LRRTM4: variants seen among roughly 807,000 people sequenced by gnomAD.
LRRTM4 encodes the protein leucine rich repeat transmembrane neuronal 4, also known as leucine-rich repeat transmembrane neuronal protein 4.
Under a neutral mutation model 47.6 loss-of-function variants are expected in LRRTM4, and 25 were observed. That is an observed-to-expected ratio of 0.53 (90% CI 0.38 to 0.73). The LOEUF is 0.73. Ranked by LOEUF, LRRTM4 falls within the 30% of genes least tolerant of loss-of-function variation. LRRTM4 has a pLI of 0.00. For missense variants in LRRTM4, 638 were observed against 713.4 expected, an observed-to-expected ratio of 0.89 and a Z score of 1.20; for synonymous variants, 311 against 269.5, an observed-to-expected ratio of 1.15 and a Z score of -1.51.
intron 3 of LRRTM4, among the ~76,000 whole-genome samples, chr2:77,435,891 A>C (rs1370868055): frequency 1.3e-5 from 2 of 152,128 alleles, no homozygotes; most frequent in Non-Finnish European, 2.9e-5. Flanking sequence ...GATTCAGGAC[A>C]CTAAAACTTT....
chr2:76,795,272 A>C (rs1675217260), intron 3 of LRRTM4, among the ~76,000 whole-genome samples: 1 of 152,222 alleles, frequency 6.6e-6, no homozygotes, highest in Admixed American at 6.5e-5. Context: ...GACAAATACA[A>C]ATTTCATATA....
intron 3 of LRRTM4, among the ~76,000 whole-genome samples, chr2:77,007,160 A>G (rs1275076501): frequency 6.6e-6 from 1 of 151,944 alleles, no homozygotes; most frequent in East Asian, 1.9e-4. Flanking sequence ...AGGAATATAT[A>G]TATATACACA....
At chr2:76,846,020 A>T (rs1195174499) in intron 3 of LRRTM4, among the ~76,000 whole-genome samples, 2 of 152,176 alleles carry the variant, frequency 1.3e-5, no homozygotes, top group East Asian at 3.9e-4. Flanking sequence ...TTTGCAGGAT[A>T]TAAAACCCAT....
chr2:77,263,167 T>C (rs1162820101), intron 3 of LRRTM4, among the ~76,000 whole-genome samples: 2 of 152,060 alleles, frequency 1.3e-5, no homozygotes, highest in East Asian at 3.9e-4. Context: ...GGAGAGCTTC[T>C]GGGTTGCTGA....
chr2:76,809,869 G>A (rs1022838854), intron 3 of LRRTM4, among the ~76,000 whole-genome samples: 9 of 151,922 alleles, frequency 5.9e-5, no homozygotes, highest in Non-Finnish European at 1.3e-4. Context: ...GTTTTTTCTG[G>A]ATGTTAGACC....
intron 3 of LRRTM4, among the ~76,000 whole-genome samples, chr2:77,270,657 T>C (rs540122811): frequency 4.6e-5 from 7 of 152,312 alleles, no homozygotes; most frequent in Non-Finnish European, 7.4e-5. Context: ...TCTCTTATGA[T>C]AGTGACGAGG....
intron 3 of LRRTM4, among the ~76,000 whole-genome samples, chr2:76,774,276 C>T (rs1018583697): frequency 2.6e-5 from 4 of 151,788 alleles, no homozygotes; most frequent in African/African-American, 9.7e-5. Context: ...CTTCCAACTT[C>T]TGACTCCCCG....
At position 76,981,756 on chromosome 2, in the gene LRRTM4, G is replaced by T. The variant is rs552048831; in HGVS notation, c.1552-232840C>A. 2.0e-5 allele frequency among the ~76,000 whole-genome samples: 3 copies of T among 152,064 alleles called. No homozygotes were observed. In the South Asian group the frequency reaches 6.2e-4, roughly 32 times the overall value. Reference sequence around the variant, plus strand: ...AATCTTCCCGCCTCAGCCTCCCAAAGGCTTGAGTTACAGGCAGGAGCCACA... The same window carrying T: ...AATCTTCCCGCCTCAGCCTCCCAAATGCTTGAGTTACAGGCAGGAGCCACA... On this transcript the variant is annotated intron_variant, in intron 3 of 3. Transcript: ENST00000409884.
chr2:77,149,157 C>T lies in LRRTM4; in HGVS notation c.1551+369161G>A, dbSNP rs566960880. Among the ~76,000 whole-genome samples, 205 of 151,946 alleles carry T rather than the reference C, an allele frequency of 1.3e-3. 1 individual carries two copies. The highest frequency in any genetic ancestry group is 4.8e-3 in the African/African-American group (200 of 41,422). On this transcript the variant is annotated intron_variant, in intron 3 of 3. Transcript: ENST00000409884. ...TGATCTGTAGCTGAATTGAGATGTC[C>T]TACAAGTTAAAAAACAAAACAAAAC... is the stretch of plus-strand genomic sequence containing the variant.
intron 3 of LRRTM4, among the ~76,000 whole-genome samples, chr2:77,426,464 G>T (rs1230766031): frequency 1.3e-5 from 2 of 152,026 alleles, no homozygotes; most frequent in East Asian, 1.9e-4. Flanking sequence ...GCACAAATTT[G>T]CCAACTTTCC....
At chr2:77,409,375 T>A (rs543137696) in intron 3 of LRRTM4, among the ~76,000 whole-genome samples, 13 of 152,294 alleles carry the variant, frequency 8.5e-5, no homozygotes, top group South Asian at 6.2e-4. Flanking sequence ...TCTTTATGTG[T>A]CCTCACATGG....
chr2:76,750,488 A>G (rs918912413), intron 3 of LRRTM4, among the ~76,000 whole-genome samples: 1 of 152,184 alleles, frequency 6.6e-6, no homozygotes, highest in Non-Finnish European at 1.5e-5. Context: ...CATTCTTTCT[A>G]AAATTTCTTT....
chr2:77,353,175 T>G (rs1370052296), intron 3 of LRRTM4, among the ~76,000 whole-genome samples: 1 of 152,168 alleles, frequency 6.6e-6, no homozygotes, highest in Non-Finnish European at 1.5e-5. Flanking sequence ...AACAAAAGTA[T>G]AATCAAGATA....
At chr2:77,211,559 C>T (rs1338321904) in intron 3 of LRRTM4, among the ~76,000 whole-genome samples, 2 of 152,026 alleles carry the variant, frequency 1.3e-5, no homozygotes, top group Non-Finnish European at 2.9e-5. Context: ...GGATCCTTAT[C>T]AATAATATAT....
At chr2:76,926,873 TTACAC>T (rs1248916800) in intron 3 of LRRTM4, among the ~76,000 whole-genome samples, 1 of 152,084 alleles carries the variant, frequency 6.6e-6, no homozygotes, top group African/African-American at 2.4e-5. Flanking sequence ...ATACTATTCC[TTACAC>T]TAAAGTTCCC....
At chr2:76,921,576 T>C (rs943895091) in intron 3 of LRRTM4, among the ~76,000 whole-genome samples, 15 of 152,128 alleles carry the variant, frequency 9.9e-5, no homozygotes, top group African/African-American at 3.1e-4. Flanking sequence ...AATTTTTCTG[T>C]ATGGAATATT....
At chr2:77,111,684 T>G (rs1370345119) in intron 3 of LRRTM4, among the ~76,000 whole-genome samples, 3 of 152,084 alleles carry the variant, frequency 2.0e-5, no homozygotes. Context: ...GTAGCTGTCT[T>G]ATTGCAGTGC....
intron 3 of LRRTM4, among the ~76,000 whole-genome samples, chr2:77,363,879 G>A (rs1457518505): frequency 1.3e-5 from 2 of 152,068 alleles, no homozygotes; most frequent in Non-Finnish European, 2.9e-5. Flanking sequence ...ATTCAAAAAT[G>A]AAAAGAAAAA....
Position 77,519,754 on chromosome 2 carries a change from T to G in LRRTM4, c.115A>C (p.Arg39=). The G allele has an allele frequency of 6.2e-7, 1 of 1,613,328 alleles. No homozygotes were observed. The highest frequency in any genetic ancestry group is 8.5e-7 in the Non-Finnish European group (1 of 1,179,554). Residue 39 remains arginine, a synonymous_variant, in exon 3 of 4, where the codon AGA becomes CGA. Coordinates refer to ENST00000409884, the MANE Select transcript of LRRTM4 (RefSeq NM_001134745.3). The surrounding 1 kb of genome is among the most constrained non-coding windows in gnomAD (Gnocchi z 4.6). ...GAQRACPKNC[R]CDGKIVYCES... is the part of the protein sequence containing the mutation. The stretch of plus-strand genomic sequence containing the variant: ...CAGTACACAATTTTGCCATCACATC[T>G]GCAGTTCTTTGGGCAAGCTCTCTGA...
Sources: allele counts gnomAD v4.1 joint callset (sites outside exome capture counted in the v4.1 genomes callset), GRCh38; gene constraint gnomAD v4.1.1; non-coding constraint Gnocchi (gnomAD v3.1); transcripts MANE v1.5; gene names NCBI Gene and HGNC (gene_info 2026-07-23, HGNC 2026-07-21).